PER1: variants seen among roughly 807,000 people sequenced by gnomAD.
PER1 encodes period circadian protein homolog 1.
A neutral mutation model predicts 125.9 loss-of-function variants in PER1; 87 were observed. The ratio of observed to expected loss-of-function variants is 0.69; its 90% CI spans 0.58 to 0.83. The LOEUF (loss-of-function observed/expected upper bound fraction) is 0.83, where lower values mean the gene tolerates loss of function less well. Among genes scored for constraint, PER1 ranks in the 40% least tolerant of loss-of-function variants. PER1 has a pLI of 0.00. For missense variants in PER1, 1,775 were observed against 1,722.8 expected (o/e 1.03, Z -0.54); for synonymous variants, 801 against 714.7 (o/e 1.12, Z -1.93).
At chr17:8,151,475 A>G (rs1567539602) in intron 1 of PER1, among the ~76,000 whole-genome samples, 1 of 151,764 alleles carries the variant, frequency 6.6e-6, no homozygotes, top group Non-Finnish European at 1.5e-5. Context: ...ACATATCCCC[A>G]GTCCCAGGAT....
chr17:8,146,512 G>A lies in PER1; in HGVS notation c.1908-10C>T, dbSNP rs1251937373. ...GCAGCTCTCCAGGTACCTGGGGATG[G>A]ACACAGCACAGGGCATCAGAGCAGG... On this transcript the variant is annotated splice_polypyrimidine_tract_variant and intron_variant, in intron 15 of 22. Transcript: ENST00000317276. 1 of 1,610,854 alleles carries A rather than the reference G, an allele frequency of 6.2e-7. No individual in the cohort carries two copies. Among genetic ancestry groups the A allele is most frequent in the Admixed American group, 1.7e-5 (1 of 59,784 alleles).
chr17:8,149,176 G>A (rs538720417), intron 7 of PER1, 83 bp downstream of exon 7: 3 of 1,257,278 alleles, frequency 2.4e-6, no homozygotes, highest in African/African-American at 3.0e-5. Flanking sequence ...GTGACAGAGT[G>A]AGACTCCCTT....
In PER1 at chr17:8,143,917, G is replaced by A. The variant is rs370247841; in HGVS notation, c.2462-41C>T. 1.4e-5 allele frequency: 22 copies of A among 1,568,498 alleles called. No individual in the cohort carries two copies. In the African/African-American group the frequency reaches 2.7e-4, roughly 19 times the overall value. On this transcript the variant is annotated intron_variant, in intron 18 of 22. Transcript: ENST00000317276. The stretch of plus-strand genomic sequence containing the variant: ...AGGGTTAGCAAGGACCTCAACCTGG[G>A]GTTAGTACCCCTGCTACCCACACTG...
chr17:8,148,026 C>A lies in PER1; in HGVS notation c.1205G>T (p.Arg402Leu). 1 of 1,612,966 alleles carries A rather than the reference C, an allele frequency of 6.2e-7. No individual in the cohort carries two copies. Among genetic ancestry groups the A allele is most frequent in the South Asian group, 1.1e-5 (1 of 90,928 alleles). ...CTTGTGGATAGCCAGCATGAGGGGT[C>A]GGTCCTCAGGATGCAGGAACAGGAG... ...PVLLFLHPED[R>L]PLMLAIHKKI... The change falls in exon 10 of 23, where the codon CGA (arginine) becomes CTA (leucine). Residue 402 changes from arginine to leucine, a missense_variant. Physicochemically the swap from Arg to Leu is moderately radical, Grantham distance 102. Coordinates refer to ENST00000317276, the MANE Select transcript of PER1 (RefSeq NM_002616.3).
chr17:8,144,771 G>C lies in PER1; in HGVS notation c.2441C>G (p.Pro814Arg). The C allele has an allele frequency of 6.3e-7, 1 of 1,578,256 alleles. No homozygotes were observed. The highest frequency in any genetic ancestry group is 1.2e-5 in the South Asian group (1 of 86,132). ...GCTACCTCGCTCGCCAAGGGCTGAG[G>C]GAGCTGTGGAAGAGCTGTCGAGTCC... is the stretch of plus-strand genomic sequence containing the variant. Reference protein sequence around the residue: ...LRGLDSSSTAPSALGERGCHH... With the variant: ...LRGLDSSSTARSALGERGCHH... The change falls in exon 18 of 23, where the codon CCC (proline) becomes CGC (arginine). Residue 814 changes from proline (P) to arginine (R), a missense_variant. Transcript: ENST00000317276.
rs1982488054 is a variant in PER1, at chr17:8,146,921, G to A, written c.1711C>T (p.Pro571Ser). 1.2e-6 allele frequency: 2 copies of A among 1,613,748 alleles called. No individual in the cohort carries two copies. The highest frequency in any genetic ancestry group is 2.7e-5 in the African/African-American group (2 of 74,902). The change falls in exon 14 of 23, where the codon CCT (proline) becomes TCT (serine). Residue 571 changes from proline (P) to serine (S), a missense_variant. Pro to Ser is a moderately conservative substitution (Grantham distance 74, BLOSUM62 -1). Transcript: ENST00000317276. ...CCAGGGAGGCGGGGCCGGGACTGAG[G>A]CCGGGCCCGAGACTCAATAAAAAGC... ...QQLFIESRAR[P>S]QSRPRLPATG...
rs750978715 is a variant in PER1 at position 8,147,494 on chromosome 17, C to T, written c.1473G>A (p.Glu491=). The T allele has an allele frequency of 1.9e-6, 3 of 1,613,920 alleles. No individual in the cohort carries two copies. The South Asian group carries it at 3.3e-5, about 18-fold the overall frequency. The part of the protein sequence containing the change: ...SLDTDIQELS[E]QIHRLLLQPV... ...CCTGCAGCAGCAGCCGGTGGATCTG[C>T]TCTGACAGCTCCTGGATATCAGTGT... Residue 491 remains glutamate (E), a synonymous_variant, in exon 12 of 23, where the codon GAG becomes GAA. Coordinates refer to ENST00000317276, the MANE Select transcript of PER1 (RefSeq NM_002616.3).
At position 8,148,009 on chromosome 17, in the gene PER1, T is replaced by C. The variant is rs751528096; in HGVS notation, c.1222A>G (p.Ile408Val). The C allele has an allele frequency of 9.3e-6, 15 of 1,612,392 alleles. No homozygotes were observed. The highest frequency in any genetic ancestry group is 1.3e-5 in the African/African-American group (1 of 74,886). ...HPEDRPLMLA[I>V]HKKILQLAGQ... ...GAGAGGAACTCACTCTTCTTGTGGA[T>C]AGCCAGCATGAGGGGTCGGTCCTCA... Residue 408 changes from isoleucine (I) to valine (V), a missense_variant, in exon 10 of 23, where the codon ATC becomes GTC. Coordinates refer to ENST00000317276, the MANE Select transcript of PER1 (RefSeq NM_002616.3).
rs575962597 is a variant in PER1, at chr17:8,148,917, G to T, written c.906-131C>A. 4 of 1,061,038 alleles carry T rather than the reference G, an allele frequency of 3.8e-6. No individual in the cohort carries two copies. In the South Asian group the frequency reaches 5.7e-5, roughly 15 times the overall value. The allele number at this position is 1,061,038 out of a possible 1,614,324, so 65.7% of individuals were successfully genotyped here. On this transcript the variant is annotated intron_variant, in intron 7 of 22. Transcript: ENST00000317276. ...GAGGAGGCAGAGGTAGGCCGGGCAC[G>T]GTGGCTCACGCCTTTAATCCCAGCA...
At chr17:8,141,625 G>A (rs1982082146) in intron 22 of PER1, among the ~76,000 whole-genome samples, 180 bp downstream of exon 22, 1 of 152,010 alleles carries the variant, frequency 6.6e-6, no homozygotes, top group Non-Finnish European at 1.5e-5. Context: ...CAAATTTAGT[G>A]GAATCAACAT....
chr17:8,146,520 A>T lies in PER1; in HGVS notation c.1908-18T>A. On this transcript the variant is annotated intron_variant, in intron 15 of 22. Transcript: ENST00000317276. ...CCAGGTACCTGGGGATGGACACAGCACAGGGCATCAGAGCAGGGCTTGGGG... is the reference window on the plus strand; with the variant it reads ...CCAGGTACCTGGGGATGGACACAGCTCAGGGCATCAGAGCAGGGCTTGGGG... 1.2e-6 allele frequency: 2 copies of T among 1,609,798 alleles called. No homozygotes were observed. The highest frequency in any genetic ancestry group is 1.7e-6 in the Non-Finnish European group (2 of 1,177,788).
Position 8,147,778 on chromosome 17 carries a change from A to G in PER1, c.1284T>C (p.Cys428=), listed in dbSNP as rs758411875. The G allele has an allele frequency of 1.9e-6, 3 of 1,614,048 alleles. No homozygotes were observed. In the South Asian group the frequency reaches 3.3e-5, roughly 18 times the overall value. The change falls in exon 11 of 23, where the codon TGT becomes TGC. Residue 428 remains cysteine, a synonymous_variant. Coordinates refer to ENST00000317276, the MANE Select transcript of PER1 (RefSeq NM_002616.3). ...QPFDHSPIRF[C]ARNGEYVTMD... ...TGGTGACATACTCCCCGTTGCGGGC[A>G]CAGAAGCGGATAGGGGAGTGGTCAA...
chr17:8,142,928 CA>C (rs1387196713), intron 19 of PER1, 93 bp from the exon 20 acceptor site: 9 of 958,596 alleles, frequency 9.4e-6, no homozygotes, highest in Non-Finnish European at 1.4e-5. Flanking sequence ...GAGGCACATC[CA>C]ACCCCAGTGG....
At chr17:8,149,232 A>T in intron 7 of PER1, 27 bp downstream of exon 7, 1 of 1,595,272 alleles carries the variant, frequency 6.3e-7, no homozygotes, top group Non-Finnish European at 8.6e-7. Context: ...AAGGAGGCAG[A>T]GGTCTTCTCC....
chr17:8,149,926 G>A (rs752544738), intron 4 of PER1, 45 bp downstream of exon 4: 45 of 1,613,840 alleles, frequency 2.8e-5, no homozygotes, highest in East Asian at 1.6e-4. Context: ...GCCTCAACAC[G>A]GGAGCCCAGG....
intron 12 of PER1, 23 bp from the exon 13 acceptor site, chr17:8,147,404 T>C: frequency 6.2e-7 from 1 of 1,613,386 alleles, no homozygotes; most frequent in Non-Finnish European, 8.5e-7. Context: ...GAGGGCAGGT[T>C]AGATGGCTTG....
rs774272850 is a variant in PER1 at position 8,142,686 on chromosome 17, G to T, written c.3222C>A (p.Gly1074=). The change falls in exon 20 of 23, where the codon GGC becomes GGA. Residue 1074 remains glycine, a synonymous_variant. Coordinates refer to ENST00000317276, the MANE Select transcript of PER1 (RefSeq NM_002616.3). The part of the protein sequence containing the change: ...GSGLGSGSGS[G]SHEGGSTSAS... ...CTGAGGTGCTGCCCCCTTCATGGGA[G>T]CCTGAACCAGACCCAGAGCCCAAGC... 2 of 1,614,020 alleles carry T rather than the reference G, an allele frequency of 1.2e-6. No individual in the cohort carries two copies. Among genetic ancestry groups the T allele is most frequent in the Non-Finnish European group, 8.5e-7 (1 of 1,180,024 alleles).
Position 8,150,240 on chromosome 17 carries a change from T to C in PER1, c.353A>G (p.Asn118Ser), listed in dbSNP as rs1339253803. 8 of 1,580,820 alleles carry C rather than the reference T, an allele frequency of 5.1e-6. No homozygotes were observed. The highest frequency in any genetic ancestry group is 1.7e-5 in the Admixed American group (1 of 58,218). The change falls in exon 3 of 23, where the codon AAC becomes AGC. Residue 118 changes from asparagine (N) to serine (S), a missense_variant. Asn to Ser is a conservative substitution (Grantham distance 46, BLOSUM62 1). Coordinates refer to ENST00000317276, the MANE Select transcript of PER1 (RefSeq NM_002616.3). ...SLLSASSEQD[N>S]PSTSGCSSEQ... The stretch of plus-strand genomic sequence containing the variant: ...GTACCTGCAGCCACTGGTGGACGGG[T>C]TGTCCTGCTCTGAGCTGGCACTCAG...
intron 22 of PER1, 24 bp from the exon 23 acceptor site, chr17:8,141,364 G>A (rs993578052): frequency 6.3e-6 from 10 of 1,579,404 alleles, no homozygotes; most frequent in Non-Finnish European, 8.6e-6. Context: ...ATGGACATGA[G>A]AGAGTCAGAC....
Sources: allele counts gnomAD v4.1 joint callset (sites outside exome capture counted in the v4.1 genomes callset), GRCh38; gene constraint gnomAD v4.1.1; transcripts MANE v1.5; gene names NCBI Gene and HGNC (gene_info 2026-07-23, HGNC 2026-07-21).